CDKN2B-AS1: variants seen among roughly 807,000 people sequenced by gnomAD.
CDKN2B-AS1 encodes the protein CDKN2B and CDKN2A antisense cis and trans regulatory RNA 1.
chr9:22,112,701 G>A (rs781330623), intron 4 of CDKN2B-AS1, among the ~76,000 whole-genome samples: 1 of 152,114 alleles, frequency 6.6e-6, no homozygotes, highest in Admixed American at 6.6e-5. Context: ...GTTCTAAAGT[G>A]TTTCCAAACT....
rs559365839 is a variant in CDKN2B-AS1 at position 22,071,392 on chromosome 9, A to G, written n.438+15005A>G. Among the ~76,000 whole-genome samples, 13 of 144,628 alleles carry G rather than the reference A, an allele frequency of 9.0e-5. 1 individual carries two copies. The highest frequency in any genetic ancestry group is 2.8e-4 in the African/African-American group (11 of 38,794). The allele number at this position is 144,628 out of a possible 152,430, so 94.9% of individuals were successfully genotyped here. The stretch of plus-strand genomic sequence containing the variant: ...TTGGCTCACAGCAAATTTTTAAAGC[A>G]TCTACATGTGAGGGCCTAAGTATAC... On this transcript the variant is annotated intron_variant and non_coding_transcript_variant, in intron 4 of 4. Coordinates refer to ENST00000650946, the Ensembl canonical transcript of CDKN2B-AS1.
rs796998435 is a variant in CDKN2B-AS1, at chr9:22,074,163, C to T, written n.438+17776C>T. ...CAGGTGTGAACCACTGTGCTTGGCA[C>T]CTAGAGGATTTCAATAAAATTTGAG... On this transcript the variant is annotated intron_variant and non_coding_transcript_variant, in intron 4 of 4. Transcript: ENST00000650946. 1.4e-4 allele frequency among the ~76,000 whole-genome samples: 22 copies of T among 152,188 alleles called. 1 individual carries two copies. Among genetic ancestry groups the T allele is most frequent in the African/African-American group, 5.3e-4 (22 of 41,520 alleles).
chr9:22,026,440 G>T (rs945461882), intron 1 of CDKN2B-AS1, among the ~76,000 whole-genome samples: 2 of 150,504 alleles, frequency 1.3e-5, no homozygotes, highest in African/African-American at 4.9e-5. Flanking sequence ...GGTTAGTTTG[G>T]ACTCTCCAAA....
At chr9:22,116,437 A>T (rs1457194194) in intron 4 of CDKN2B-AS1, among the ~76,000 whole-genome samples, 1 of 152,240 alleles carries the variant, frequency 6.6e-6, no homozygotes, top group African/African-American at 2.4e-5. Context: ...GTACATACAA[A>T]CTAGTAAATA....
intron 3 of CDKN2B-AS1, among the ~76,000 whole-genome samples, chr9:22,053,155 G>C (rs1481426199): frequency 1.3e-5 from 2 of 152,208 alleles, no homozygotes; most frequent in Admixed American, 1.3e-4. Context: ...AGGAATCTTA[G>C]CACAAAACAA....
In CDKN2B-AS1 at chr9:22,085,279, T is replaced by A. The variant is rs144039082; in HGVS notation, n.438+28892T>A. Among the ~76,000 whole-genome samples, 559 of 152,288 alleles carry A rather than the reference T, an allele frequency of 3.7e-3. 10 individuals are homozygous for A. The highest frequency in any genetic ancestry group is 2.0e-3 in the Non-Finnish European group (138 of 68,016). ...TGAGGTAAAGGAAATCTCACCTAACTGGGAAAAAGCAAGCTTACCCTCAAG... is the reference window on the plus strand; with the variant it reads ...TGAGGTAAAGGAAATCTCACCTAACAGGGAAAAAGCAAGCTTACCCTCAAG... On this transcript the variant is annotated intron_variant and non_coding_transcript_variant, in intron 4 of 4. Coordinates refer to ENST00000650946, the Ensembl canonical transcript of CDKN2B-AS1.
At chr9:22,100,625 T>G (rs1383122032) in intron 4 of CDKN2B-AS1, among the ~76,000 whole-genome samples, 2 of 152,156 alleles carry the variant, frequency 1.3e-5, no homozygotes, top group African/African-American at 4.8e-5. Context: ...GTTATAAACG[T>G]TTATGTTTAA....
intron 2 of CDKN2B-AS1, among the ~76,000 whole-genome samples, chr9:22,047,359 A>T (rs1472959115): frequency 1.3e-5 from 2 of 152,148 alleles, no homozygotes; most frequent in African/African-American, 2.4e-5. Context: ...GAAAGACCAC[A>T]TGCTGGTGAT....
chr9:21,997,729 T>G lies in CDKN2B-AS1; in HGVS notation n.29+2568T>G, dbSNP rs1169945579. Among the ~76,000 whole-genome samples, 1 of 152,048 alleles carries G rather than the reference T, an allele frequency of 6.6e-6. No homozygotes were observed. Among genetic ancestry groups the G allele is most frequent in the African/African-American group, 2.4e-5 (1 of 41,380 alleles). ...ATTGAGGATAATCTGCTTTTTCAAG[T>G]CTACTGACTTAAATGTTAATCATAT... On this transcript the variant is annotated intron_variant and non_coding_transcript_variant, in intron 1 of 4. Coordinates refer to ENST00000650946, the Ensembl canonical transcript of CDKN2B-AS1. This position sits in a 1 kb window ranked among gnomAD's most constrained non-coding sequence, Gnocchi z 4.8.
intron 4 of CDKN2B-AS1, chr9:22,112,336 T>G (rs1215053753): frequency 6.6e-6 from 1 of 152,264 alleles, no homozygotes. Flanking sequence ...TTCTCTCACA[T>G]GGCAAGAAAC....
Position 22,001,341 on chromosome 9 carries a change from G to A in CDKN2B-AS1, n.29+6180G>A, listed in dbSNP as rs1431777629. On this transcript the variant is annotated intron_variant and non_coding_transcript_variant, in intron 1 of 4. Coordinates refer to ENST00000650946, the Ensembl canonical transcript of CDKN2B-AS1. The surrounding 1 kb of genome is among the most constrained non-coding windows in gnomAD (Gnocchi z 4.2). ...GAAGTCTAATGCCAGGGGCTTCTGA[G>A]TGTGAAGTGGATTAATAGGTGTTTG... Among the ~76,000 whole-genome samples the A allele has an allele frequency of 6.6e-6, 1 of 152,200 alleles. No individual in the cohort carries two copies. The highest frequency in any genetic ancestry group is 1.9e-4 in the East Asian group (1 of 5,200).
intron 1 of CDKN2B-AS1, among the ~76,000 whole-genome samples, chr9:22,043,792 T>A (rs191987628): frequency 6.6e-6 from 1 of 152,124 alleles, no homozygotes; most frequent in Admixed American, 6.6e-5. Context: ...TAGTTAAAAA[T>A]TTTTAAATAT....
intron 1 of CDKN2B-AS1, among the ~76,000 whole-genome samples, chr9:22,020,147 GTT>G (rs1387328937): frequency 6.6e-6 from 1 of 152,138 alleles, no homozygotes; most frequent in Admixed American, 6.5e-5. Context: ...TCCTGCATTA[GTT>G]TGCTAAGCAT....
chr9:22,051,014 A>G (rs1258275657), intron 3 of CDKN2B-AS1, among the ~76,000 whole-genome samples: 1 of 152,182 alleles, frequency 6.6e-6, no homozygotes, highest in African/African-American at 2.4e-5. Flanking sequence ...AGTTAATGAC[A>G]CAAGGAAACA....
chr9:22,121,902 T>A lies in CDKN2B-AS1; in HGVS notation n.439-5201T>A, dbSNP rs1416749311. On this transcript the variant is annotated intron_variant and non_coding_transcript_variant, in intron 4 of 4. Transcript: ENST00000650946. ...ATATAATGATTTTCTTTCCTTTGGA[T>A]AAATTGCTAGTAATGGGATTGCTCA... Among the ~76,000 whole-genome samples the A allele has an allele frequency of 2.6e-5, 4 of 152,128 alleles. 1 individual carries two copies. In the East Asian group the frequency reaches 5.8e-4, roughly 22 times the overall value.
intron 1 of CDKN2B-AS1, among the ~76,000 whole-genome samples, chr9:22,042,653 A>G (rs1160362442): frequency 6.6e-6 from 1 of 152,100 alleles, no homozygotes; most frequent in Non-Finnish European, 1.5e-5. Context: ...CTGTCTTTGG[A>G]TGTCTTCAGA....
chr9:22,031,909 A>C (rs1299199636), intron 1 of CDKN2B-AS1, among the ~76,000 whole-genome samples: 2 of 152,220 alleles, frequency 1.3e-5, no homozygotes, highest in African/African-American at 4.8e-5. Context: ...CTCACATGGC[A>C]GGGACCTGAG....
intron 3 of CDKN2B-AS1, among the ~76,000 whole-genome samples, chr9:22,053,362 T>G (rs538651171): frequency 6.6e-6 from 1 of 152,196 alleles, no homozygotes; most frequent in Non-Finnish European, 1.5e-5. Flanking sequence ...TAGAAGACAG[T>G]TGGGGGCAAC....
At chr9:22,028,047 T>C (rs1438478715) in intron 1 of CDKN2B-AS1, among the ~76,000 whole-genome samples, 1 of 152,142 alleles carries the variant, frequency 6.6e-6, no homozygotes, top group East Asian at 1.9e-4. Context: ...ACTCTGAATC[T>C]AATCACATAG....
Sources: allele counts gnomAD v4.1 joint callset (sites outside exome capture counted in the v4.1 genomes callset), GRCh38; gene constraint gnomAD v4.1.1; non-coding constraint Gnocchi (gnomAD v3.1); transcripts MANE v1.5; gene names NCBI Gene and HGNC (gene_info 2026-07-23, HGNC 2026-07-21).